Variants in ARID3A observed in about 807,000 individuals in gnomAD.
ARID3A encodes the protein AT-rich interactive domain-containing protein 3A.
A neutral mutation model predicts 52.7 loss-of-function variants in ARID3A; 11 were observed. The ratio of observed to expected loss-of-function variants is 0.21; its 90% CI spans 0.13 to 0.35. ARID3A has a LOEUF of 0.35. ARID3A is among the 10% of genes least tolerant of loss of function. ARID3A has a pLI of 1.00. For synonymous variants in ARID3A, 404 were observed against 359.4 expected, an observed-to-expected ratio of 1.12 and a Z score of -1.40; for missense variants, 721 against 838.5, an observed-to-expected ratio of 0.86 and a Z score of 1.73.
chr19:966,934 C>T (rs2038170698), intron 7 of ARID3A, 66 bp downstream of exon 7: 1 of 1,498,170 alleles, frequency 6.7e-7, no homozygotes, highest in Non-Finnish European at 8.9e-7. Context: ...GCCTTGGAGC[C>T]TACATATGTA....
intron 3 of ARID3A, among the ~76,000 whole-genome samples, chr19:933,844 G>GGT (rs2037383700): frequency 7.4e-6 from 1 of 135,002 alleles, no homozygotes; most frequent in Non-Finnish European, 1.7e-5. Flanking sequence ...GCGGGGACTC[G>GGT]GTGGGGGGGG....
chr19:948,138 G>A lies in ARID3A; in HGVS notation c.694-11954G>A, dbSNP rs796405579. ...CGGTCGGGGCCGCCTGTCCCCTGGT[G>A]TTTCCCTTCACAGCCCACCCGCCCC... On this transcript the variant is annotated intron_variant, in intron 3 of 8. Coordinates refer to ENST00000263620, the MANE Select transcript of ARID3A (RefSeq NM_005224.3). Among the ~76,000 whole-genome samples, 3 of 152,054 alleles carry A rather than the reference G, an allele frequency of 2.0e-5. No individual in the cohort carries two copies. The South Asian group carries it at 6.2e-4, about 32-fold the overall frequency.
intron 3 of ARID3A, among the ~76,000 whole-genome samples, chr19:943,737 C>T (rs2037608684): frequency 1.3e-5 from 2 of 152,208 alleles, no homozygotes; most frequent in Non-Finnish European, 2.9e-5. Flanking sequence ...CCCAGTGACA[C>T]GCTGATGTCA....
At chr19:926,948 T>G (rs1239297900) in intron 1 of ARID3A, among the ~76,000 whole-genome samples, 1 of 151,546 alleles carries the variant, frequency 6.6e-6, no homozygotes, top group Admixed American at 6.6e-5. Context: ...GGTTTCTGTC[T>G]TCTTATTTCT....
chr19:932,166 G>A (rs1009774012), intron 2 of ARID3A, among the ~76,000 whole-genome samples: 4 of 152,110 alleles, frequency 2.6e-5, no homozygotes, highest in African/African-American at 4.8e-5. Context: ...GGCTGCCTGC[G>A]TGATGCTTTT....
At chr19:950,740 G>C (rs923957545) in intron 3 of ARID3A, among the ~76,000 whole-genome samples, 3 of 152,168 alleles carry the variant, frequency 2.0e-5, no homozygotes, top group African/African-American at 7.2e-5. Context: ...TTACCATCCT[G>C]GCTGCTTCAT....
intron 3 of ARID3A, among the ~76,000 whole-genome samples, chr19:937,608 C>A (rs2037462674): frequency 6.6e-6 from 1 of 151,732 alleles, no homozygotes; most frequent in African/African-American, 2.4e-5. Context: ...AACTGCTAGA[C>A]TGTTTAGCAA....
intron 6 of ARID3A, among the ~76,000 whole-genome samples, chr19:966,243 TGAGGTCA>T (rs2038149556): frequency 6.6e-6 from 1 of 150,650 alleles, no homozygotes; most frequent in African/African-American, 2.4e-5. Flanking sequence ...GCGGATCACC[TGAGGTCA>T]GGAGTTCAAG....
intron 3 of ARID3A, among the ~76,000 whole-genome samples, chr19:958,951 C>T (rs1339361932): frequency 6.6e-6 from 1 of 152,196 alleles, no homozygotes; most frequent in African/African-American, 2.4e-5. Flanking sequence ...GTTAGACGCA[C>T]AGACACTCAT....
chr19:937,696 C>T (rs1438848941), intron 3 of ARID3A, among the ~76,000 whole-genome samples: 1 of 140,412 alleles, frequency 7.1e-6, no homozygotes, highest in African/African-American at 2.7e-5. Flanking sequence ...TTGTTATTGT[C>T]GACTTTTTTT....
chr19:966,937 C>A, intron 7 of ARID3A, 69 bp downstream of exon 7: 1 of 1,489,746 alleles, frequency 6.7e-7, no homozygotes, highest in Non-Finnish European at 9.0e-7. Flanking sequence ...TTGGAGCCTA[C>A]ATATGTAAAG....
rs1017114113 is a variant in ARID3A at position 960,317 on chromosome 19, C to T, written c.766+153C>T. Among the ~76,000 whole-genome samples, 1 of 152,048 alleles carries T rather than the reference C, an allele frequency of 6.6e-6. No homozygotes were observed. Among genetic ancestry groups the T allele is most frequent in the Non-Finnish European group, 1.5e-5 (1 of 68,008 alleles). Reference sequence around the variant, plus strand: ...AAATCGGGAGGGACTTCAGGGGTGTCTTGGGGGGAAACACATCCTGCCATG... The same window carrying T: ...AAATCGGGAGGGACTTCAGGGGTGTTTTGGGGGGAAACACATCCTGCCATG... On this transcript the variant is annotated intron_variant, in intron 4 of 8. Coordinates refer to ENST00000263620, the MANE Select transcript of ARID3A (RefSeq NM_005224.3). This position sits in a 1 kb window ranked among gnomAD's most constrained non-coding sequence, Gnocchi z 4.3.
chr19:927,989 G>A (rs184598245), intron 1 of ARID3A, among the ~76,000 whole-genome samples: 83 of 152,266 alleles, frequency 5.5e-4, no homozygotes, highest in Admixed American at 2.5e-3. Context: ...CTCTTGTCCG[G>A]TGACTGGGGA....
At chr19:936,532 G>T (rs896329027) in intron 3 of ARID3A, among the ~76,000 whole-genome samples, 2 of 151,952 alleles carry the variant, frequency 1.3e-5, no homozygotes, top group Non-Finnish European at 2.9e-5. Context: ...GACAGAGCGA[G>T]ACCCTGTCTC....
Position 947,837 on chromosome 19 carries a change from C to T in ARID3A, c.694-12255C>T, listed in dbSNP as rs2037719621. Among the ~76,000 whole-genome samples the T allele has an allele frequency of 1.3e-5, 2 of 152,244 alleles. No homozygotes were observed. Among genetic ancestry groups the T allele is most frequent in the African/African-American group, 2.4e-5 (1 of 41,472 alleles). ...GAGTGGAGCCGGCAGATGTTCGGCC[C>T]TGCCCAGAATCACTTCCCCAATTTC... On this transcript the variant is annotated intron_variant, in intron 3 of 8. Coordinates refer to ENST00000263620, the MANE Select transcript of ARID3A (RefSeq NM_005224.3). This position sits in a 1 kb window ranked among gnomAD's most constrained non-coding sequence, Gnocchi z 6.3.
chr19:955,440 G>C (rs1364388786), intron 3 of ARID3A, among the ~76,000 whole-genome samples: 8 of 152,214 alleles, frequency 5.3e-5, no homozygotes, highest in African/African-American at 1.7e-4. Context: ...CCCCACAGGG[G>C]TCTGACCGTG....
chr19:970,663 C>T (rs564153446), intron 8 of ARID3A, among the ~76,000 whole-genome samples: 6 of 151,812 alleles, frequency 4.0e-5, no homozygotes, highest in African/African-American at 9.7e-5. Flanking sequence ...TTAGATGATA[C>T]GGGGTTTCAC....
chr19:932,244 C>T (rs1245116097), intron 2 of ARID3A, among the ~76,000 whole-genome samples, 174 bp from the exon 3 acceptor site: 3 of 152,180 alleles, frequency 2.0e-5, no homozygotes, highest in Non-Finnish European at 4.4e-5. Context: ...ACAAAGTGGG[C>T]GTCACGGGTG....
intron 7 of ARID3A, among the ~76,000 whole-genome samples, 193 bp downstream of exon 7, chr19:967,061 C>T (rs574961664): frequency 3.3e-5 from 5 of 152,066 alleles, no homozygotes; most frequent in African/African-American, 9.7e-5. Flanking sequence ...AGTTCGAGAT[C>T]AGCCTGGGCA....
Sources: allele counts gnomAD v4.1 joint callset (sites outside exome capture counted in the v4.1 genomes callset), GRCh38; gene constraint gnomAD v4.1.1; non-coding constraint Gnocchi (gnomAD v3.1); transcripts MANE v1.5; gene names NCBI Gene and HGNC (gene_info 2026-07-23, HGNC 2026-07-21).